PCDH15: variants seen among roughly 807,000 people sequenced by gnomAD.
The protein encoded by PCDH15 is protocadherin-15.
Under a neutral mutation model 178.5 loss-of-function variants are expected in PCDH15, and 129 were observed. That is an observed-to-expected ratio of 0.72 (90% CI 0.63 to 0.84). PCDH15 has a LOEUF of 0.84. Ranked by LOEUF, PCDH15 falls within the 40% of genes least tolerant of loss-of-function variation. PCDH15 has a pLI of 0.00. For synonymous variants in PCDH15, 800 were observed against 732.0 expected, an observed-to-expected ratio of 1.09 and a Z score of -1.50; for missense variants, 2,230 against 2,099.9, an observed-to-expected ratio of 1.06 and a Z score of -1.21.
At chr10:54,525,980 C>T (rs1195404958) in intron 3 of PCDH15, among the ~76,000 whole-genome samples, 1 of 152,148 alleles carries the variant, frequency 6.6e-6, no homozygotes, top group Non-Finnish European at 1.5e-5. Flanking sequence ...CTTGTGATGA[C>T]TTAAATAACT....
chr10:54,732,668 A>G (rs1475737579), intron 1 of PCDH15, among the ~76,000 whole-genome samples: 1 of 151,616 alleles, frequency 6.6e-6, no homozygotes, highest in Non-Finnish European at 1.5e-5. Context: ...AGAGGAAGTA[A>G]CAACTCTCAC....
At chr10:55,486,777 G>T (rs1840306756) in intron 2 of PCDH15, among the ~76,000 whole-genome samples, 2 of 134,812 alleles carry the variant, frequency 1.5e-5, no homozygotes, top group African/African-American at 2.7e-5. Context: ...GAGTCACTGA[G>T]ATTACAAGTG....
At chr10:53,995,502 T>A in intron 21 of PCDH15, 147 bp downstream of exon 21, 1 of 1,430,790 alleles carries the variant, frequency 7.0e-7, no homozygotes, top group East Asian at 2.4e-5. Flanking sequence ...TACCTGTGGA[T>A]GAAATAAGTA....
intron 2 of PCDH15, among the ~76,000 whole-genome samples, chr10:54,556,517 A>T (rs2087286546): frequency 6.6e-6 from 1 of 152,212 alleles, no homozygotes; most frequent in Non-Finnish European, 1.5e-5. Context: ...ATTTTGTAAG[A>T]AGAAAATGCA....
chr10:55,224,871 C>G (rs1048131876), intron 1 of PCDH15, among the ~76,000 whole-genome samples: 2 of 151,972 alleles, frequency 1.3e-5, no homozygotes, highest in African/African-American at 4.8e-5. Flanking sequence ...TGTTGTTTAC[C>G]CTGCCTGTTT....
intron 2 of PCDH15, among the ~76,000 whole-genome samples, chr10:54,557,203 A>C (rs1183855185): frequency 6.6e-6 from 1 of 152,166 alleles, no homozygotes; most frequent in Non-Finnish European, 1.5e-5. Flanking sequence ...GAATGTCACC[A>C]AAACTGTACA....
intron 2 of PCDH15, among the ~76,000 whole-genome samples, chr10:55,436,833 T>C (rs888646789): frequency 3.3e-5 from 5 of 152,182 alleles, no homozygotes; most frequent in African/African-American, 1.2e-4. Context: ...GTGGGAGCAT[T>C]TACTGTGCTT....
At chr10:54,940,939 A>G (rs1838046354) in intron 2 of PCDH15, among the ~76,000 whole-genome samples, 1 of 152,074 alleles carries the variant, frequency 6.6e-6, no homozygotes, top group Non-Finnish European at 1.5e-5. Flanking sequence ...AGACAATATA[A>G]AGTAGGATTT....
chr10:53,906,874 A>G (rs2082719046), intron 25 of PCDH15: 1 of 151,406 alleles, frequency 6.6e-6, no homozygotes, highest in Non-Finnish European at 1.5e-5. Context: ...GGGACACATT[A>G]CCTGACTGTC....
At chr10:55,478,318 G>T (rs1264640097) in intron 2 of PCDH15, among the ~76,000 whole-genome samples, 1 of 151,520 alleles carries the variant, frequency 6.6e-6, no homozygotes, top group Admixed American at 6.6e-5. Flanking sequence ...AGACTAAATG[G>T]ACCCAACAGA....
intron 2 of PCDH15, among the ~76,000 whole-genome samples, chr10:54,975,574 G>T (rs934208370): frequency 6.6e-6 from 1 of 152,096 alleles, no homozygotes; most frequent in Non-Finnish European, 1.5e-5. Flanking sequence ...GATGAGAAGT[G>T]GTGGTGGCAG....
intron 1 of PCDH15, among the ~76,000 whole-genome samples, chr10:55,175,653 G>C (rs776710088): frequency 2.7e-5 from 3 of 111,856 alleles, no homozygotes; most frequent in Non-Finnish European, 3.5e-5. Flanking sequence ...GCAACAGAGA[G>C]ACTCTGTCTC....
At chr10:54,032,812 C>T (rs2093329585) in intron 18 of PCDH15, among the ~76,000 whole-genome samples, 1 of 152,000 alleles carries the variant, frequency 6.6e-6, no homozygotes, top group Non-Finnish European at 1.5e-5. Context: ...GTTTAATTGA[C>T]TCAGTTTCAC....
intron 3 of PCDH15, among the ~76,000 whole-genome samples, chr10:54,410,152 G>T (rs112127397): frequency 6.6e-6 from 1 of 152,034 alleles, no homozygotes; most frequent in Non-Finnish European, 1.5e-5. Context: ...CAGGAAAACA[G>T]GGCTGGGTTG....
chr10:55,584,648 ACT>A (rs1374964748), intron 2 of PCDH15, among the ~76,000 whole-genome samples: 1 of 125,400 alleles, frequency 8.0e-6, no homozygotes, highest in African/African-American at 3.3e-5. Context: ...ACAGAGCAAG[ACT>A]CTGTCTCCAA....
At chr10:54,756,054 AAAACACACACACACACACAC>A (rs1223566272) in intron 1 of PCDH15, among the ~76,000 whole-genome samples, 1 of 111,964 alleles carries the variant, frequency 8.9e-6, no homozygotes, top group Non-Finnish European at 1.8e-5. Flanking sequence ...GTCTCTACTA[AAAACACACACACACACACAC>A]ACACACACAC....
intron 2 of PCDH15, among the ~76,000 whole-genome samples, chr10:55,026,136 T>C (rs1217223434): frequency 6.6e-6 from 1 of 152,008 alleles, no homozygotes; most frequent in Non-Finnish European, 1.5e-5. Context: ...GTAAGTCATT[T>C]CAATATTTTC....
intron 2 of PCDH15, among the ~76,000 whole-genome samples, chr10:55,465,768 A>G (rs1350557315): frequency 2.6e-5 from 4 of 152,182 alleles, no homozygotes. Context: ...TCTTTCTCTG[A>G]CATTGATTTT....
chr10:55,278,456 C>G (rs1842649655), intron 1 of PCDH15, among the ~76,000 whole-genome samples: 1 of 151,986 alleles, frequency 6.6e-6, no homozygotes, highest in South Asian at 2.1e-4. Flanking sequence ...AACTCCTGGC[C>G]TCAAGTGATC....
Sources: gnomAD v4.1 joint callset for allele counts (sites outside exome capture counted in the v4.1 genomes callset) on GRCh38, gnomAD v4.1.1 for gene constraint, MANE v1.5 for transcripts, NCBI Gene and HGNC (gene_info 2026-07-23, HGNC 2026-07-21) for gene names.